Variants in NCKAP5 observed in about 807,000 individuals in gnomAD.
NCKAP5 encodes nck-associated protein 5.
NCKAP5 carries 92 observed loss-of-function variants against 167.0 expected under a neutral mutation model. The observed-to-expected ratio is 0.55, with a 90% confidence interval of 0.47 to 0.66. The LOEUF (loss-of-function observed/expected upper bound fraction) is 0.66, where lower values mean the gene tolerates loss of function less well. Ranked by LOEUF, NCKAP5 falls within the 30% of genes least tolerant of loss-of-function variation. The pLI is 0.00. For missense variants in NCKAP5, 2,378 were observed against 2,315.0 expected (o/e 1.03, Z -0.56); for synonymous variants, 891 against 877.4 (o/e 1.02, Z -0.27).
intron 4 of NCKAP5, among the ~76,000 whole-genome samples, chr2:133,287,184 G>C (rs1286916476): frequency 2.0e-5 from 3 of 152,106 alleles, no homozygotes; most frequent in Non-Finnish European, 4.4e-5. Context: ...TCTTCTATTT[G>C]TCAAGCAAAC....
intron 3 of NCKAP5, among the ~76,000 whole-genome samples, chr2:133,365,584 G>T (rs1184922682): frequency 6.6e-6 from 1 of 152,028 alleles, no homozygotes; most frequent in Non-Finnish European, 1.5e-5. Context: ...TATTAAGATT[G>T]AAAGACATAA....
At chr2:133,671,977 C>A in the NCKAP5 span, among the ~76,000 whole-genome samples, 1,716 of 152,114 alleles carry the variant, frequency 0.011, 38 homozygotes, top group African/African-American at 0.039. Context: ...TGAATCCTGA[C>A]CAAAACAGAG....
intron 3 of NCKAP5, among the ~76,000 whole-genome samples, chr2:133,350,880 C>CCCT (rs1168996709): frequency 6.6e-6 from 1 of 152,042 alleles, no homozygotes; most frequent in Non-Finnish European, 1.5e-5. Flanking sequence ...CCCCTTCACA[C>CCCT]CCTCTCCCTC....
intron 6 of NCKAP5, among the ~76,000 whole-genome samples, chr2:133,115,658 C>T (rs1041404614): frequency 4.0e-5 from 6 of 151,298 alleles, no homozygotes; most frequent in Admixed American, 1.3e-4. Flanking sequence ...CTTCTTAAGA[C>T]TTACATCATT....
chr2:133,322,146 G>A (rs1384808955), intron 3 of NCKAP5, among the ~76,000 whole-genome samples: 2 of 152,128 alleles, frequency 1.3e-5, no homozygotes, highest in East Asian at 1.9e-4. Context: ...TAGCAGAAAG[G>A]CTAATAGATT....
At chr2:133,520,319 G>T (rs906087818) in intron 2 of NCKAP5, among the ~76,000 whole-genome samples, 1 of 152,202 alleles carries the variant, frequency 6.6e-6, no homozygotes, top group Non-Finnish European at 1.5e-5. Context: ...GTAAGCTAAT[G>T]TATCTCTCTC....
At chr2:133,519,256 A>T (rs1384010595) in intron 2 of NCKAP5, among the ~76,000 whole-genome samples, 1 of 152,234 alleles carries the variant, frequency 6.6e-6, no homozygotes, top group Non-Finnish European at 1.5e-5. Context: ...AAGAACACTA[A>T]TTTTTAATAC....
chr2:133,558,979 G>C (rs981442389), intron 2 of NCKAP5, 71 bp downstream of exon 2: 6 of 151,946 alleles, frequency 3.9e-5, no homozygotes, highest in Admixed American at 3.3e-4. Context: ...TCAATGATAA[G>C]AGCCAATAAT....
chr2:133,586,309 ACTTC>A, the NCKAP5 span, among the ~76,000 whole-genome samples: 1 of 151,976 alleles, frequency 6.6e-6, no homozygotes, highest in South Asian at 2.1e-4. Flanking sequence ...ACCCTCAGTC[ACTTC>A]CTTCCTTCCT....
intron 5 of NCKAP5, among the ~76,000 whole-genome samples, chr2:133,166,096 G>A (rs1031303951): frequency 6.6e-6 from 1 of 152,034 alleles, no homozygotes; most frequent in Non-Finnish European, 1.5e-5. Context: ...GAAGGAATGG[G>A]GTGAGGTCCA....
chr2:132,926,269 C>A, intron 8 of NCKAP5: 1 of 233,602 alleles, frequency 4.3e-6, no homozygotes, highest in Non-Finnish European at 9.5e-6. Context: ...GTATATACCA[C>A]GTTTTCTTTA....
intron 8 of NCKAP5, among the ~76,000 whole-genome samples, chr2:132,927,004 A>G (rs1695952345): frequency 6.6e-6 from 1 of 152,182 alleles, no homozygotes; most frequent in Non-Finnish European, 1.5e-5. Flanking sequence ...TAATAGTTTC[A>G]GATATTACAT....
intron 2 of NCKAP5, among the ~76,000 whole-genome samples, chr2:133,548,435 C>T (rs968275878): frequency 2.7e-5 from 4 of 150,848 alleles, no homozygotes; most frequent in African/African-American, 7.3e-5. Context: ...GTCAGATTCA[C>T]CAAAGTTGAA....
chr2:132,983,441 GT>G (rs2077198401), intron 7 of NCKAP5, among the ~76,000 whole-genome samples: 1 of 152,132 alleles, frequency 6.6e-6, no homozygotes, highest in South Asian at 2.1e-4. Flanking sequence ...TTGGCTATGG[GT>G]CTGTCATAGA....
rs963378795 is a variant in NCKAP5, at chr2:133,309,097, G to A, written c.70-5987C>T. 2.0e-5 allele frequency among the ~76,000 whole-genome samples: 3 copies of A among 152,252 alleles called. No individual in the cohort carries two copies. In the South Asian group the frequency reaches 6.2e-4, roughly 32 times the overall value. The stretch of plus-strand genomic sequence containing the variant: ...TAAGTGAAAGAAGGATAAAAAAACT[G>A]CACAATCCCTCTTATCACAATTTAG... On this transcript the variant is annotated intron_variant, in intron 3 of 19. Coordinates refer to ENST00000409261, the MANE Select transcript of NCKAP5 (RefSeq NM_207363.3).
At chr2:133,421,414 G>T (rs999041248) in intron 3 of NCKAP5, among the ~76,000 whole-genome samples, 11 of 152,314 alleles carry the variant, frequency 7.2e-5, no homozygotes, top group African/African-American at 2.4e-4. Context: ...CAAAATGCAT[G>T]AATCAGCATC....
At chr2:133,207,989 C>T (rs775242520) in intron 5 of NCKAP5, among the ~76,000 whole-genome samples, 1 of 152,094 alleles carries the variant, frequency 6.6e-6, no homozygotes, top group Non-Finnish European at 1.5e-5. Flanking sequence ...AGTAACTTTA[C>T]AGCAGAGAAA....
At chr2:133,238,843 C>A (rs950164808) in intron 4 of NCKAP5, among the ~76,000 whole-genome samples, 6 of 152,146 alleles carry the variant, frequency 3.9e-5, no homozygotes, top group Non-Finnish European at 7.3e-5. Context: ...GTCCTACAAC[C>A]TGTCTGGTCC....
At chr2:133,074,731 CA>C (rs2149569301) in intron 6 of NCKAP5, among the ~76,000 whole-genome samples, 1 of 152,070 alleles carries the variant, frequency 6.6e-6, no homozygotes, top group Admixed American at 6.5e-5. Context: ...AGCTTAGTAG[CA>C]GAATAGAAAT....
Sources: gnomAD v4.1 joint callset for allele counts (sites outside exome capture counted in the v4.1 genomes callset) on GRCh38, gnomAD v4.1.1 for gene constraint, MANE v1.5 for transcripts, NCBI Gene and HGNC (gene_info 2026-07-23, HGNC 2026-07-21) for gene names.